The following TMEM163 variants were observed in gnomAD, a reference collection of about 807,000 sequenced individuals.
The protein encoded by TMEM163 is transmembrane protein 163.
TMEM163 carries 17 observed loss-of-function variants against 29.3 expected under a neutral mutation model. The ratio of observed to expected loss-of-function variants is 0.58; its 90% CI spans 0.40 to 0.87. The LOEUF (loss-of-function observed/expected upper bound fraction) is 0.87, where lower values mean the gene tolerates loss of function less well. Among genes scored for constraint, TMEM163 ranks in the 40% least tolerant of loss-of-function variants. The pLI is 0.00. For missense variants in TMEM163, 303 were observed against 381.5 expected (o/e 0.79, Z 1.71); for synonymous variants, 157 against 160.6 (o/e 0.98, Z 0.17).
At chr2:134,718,594 C>G in intron 1 of TMEM163, 140 bp downstream of exon 1, 1 of 539,274 alleles carries the variant, frequency 1.9e-6, no homozygotes, top group Non-Finnish European at 2.5e-6. Context: ...CGGCTAGCGG[C>G]GTTCTCGCCG....
intron 1 of TMEM163, among the ~76,000 whole-genome samples, chr2:134,716,193 G>T (rs971198102): frequency 6.6e-6 from 1 of 152,164 alleles, no homozygotes; most frequent in Non-Finnish European, 1.5e-5. Context: ...AATACTTGTA[G>T]GGAGAAGAAT....
At chr2:134,691,287 G>C (rs1309143789) in intron 2 of TMEM163, among the ~76,000 whole-genome samples, 1 of 152,150 alleles carries the variant, frequency 6.6e-6, no homozygotes, top group Non-Finnish European at 1.5e-5. Flanking sequence ...GTCAGCACCT[G>C]TCATTCCACA....
chr2:134,636,374 G>T (rs1362519466), intron 2 of TMEM163, among the ~76,000 whole-genome samples: 1 of 152,244 alleles, frequency 6.6e-6, no homozygotes, highest in Non-Finnish European at 1.5e-5. Context: ...TTTCTTTAGG[G>T]AAAACGTAAA....
At chr2:134,463,817 C>T (rs74869215) in intron 6 of TMEM163, among the ~76,000 whole-genome samples, 18 of 152,188 alleles carry the variant, frequency 1.2e-4, no homozygotes, top group Non-Finnish European at 2.5e-4. Context: ...TGTAAAACCC[C>T]GCTGATCCGG....
At chr2:134,564,761 T>C (rs1044923235) in intron 2 of TMEM163, among the ~76,000 whole-genome samples, 3 of 152,184 alleles carry the variant, frequency 2.0e-5, no homozygotes, top group African/African-American at 7.2e-5. Context: ...ACTCTACTTA[T>C]TGGTAACCAG....
In TMEM163 at chr2:134,688,541, A is replaced by AAG. The variant is rs201534705; in HGVS notation, c.322+24657_322+24658dup. ...ATCTTCAAAATATTCCTAAACAGGA[A>AAG]AGAGTAATTAGGTAATATATTACTT... On this transcript the variant is annotated intron_variant, in intron 2 of 7. Coordinates refer to ENST00000281924, the MANE Select transcript of TMEM163 (RefSeq NM_030923.5). Among the ~76,000 whole-genome samples the AAG allele has an allele frequency of 8.1e-3, 1,230 of 152,336 alleles. 10 individuals carry two copies. The highest frequency in any genetic ancestry group is 0.028 in the African/African-American group (1,150 of 41,564).
At chr2:134,715,139 C>A (rs1014249182) in intron 1 of TMEM163, among the ~76,000 whole-genome samples, 1 of 152,180 alleles carries the variant, frequency 6.6e-6, no homozygotes, top group Non-Finnish European at 1.5e-5. Flanking sequence ...GAGGTAAAAA[C>A]AAGGTTCCTT....
At chr2:134,619,505 T>C (rs1453767871) in intron 2 of TMEM163, among the ~76,000 whole-genome samples, 1 of 152,162 alleles carries the variant, frequency 6.6e-6, no homozygotes, top group Admixed American at 6.5e-5. Flanking sequence ...AAGAGCCAAA[T>C]GGTCTCATCA....
intron 5 of TMEM163, among the ~76,000 whole-genome samples, chr2:134,481,400 G>A (rs1679176341): frequency 6.6e-6 from 1 of 150,538 alleles, no homozygotes; most frequent in Non-Finnish European, 1.5e-5. Context: ...AGCTTTTCCT[G>A]TGCTATTCTC....
chr2:134,649,111 C>T (rs973907848), intron 2 of TMEM163, among the ~76,000 whole-genome samples: 6 of 151,880 alleles, frequency 4.0e-5, no homozygotes, highest in African/African-American at 1.2e-4. Context: ...TAAGTGTGTG[C>T]GACAAAATAA....
intron 4 of TMEM163, among the ~76,000 whole-genome samples, chr2:134,526,146 A>T (rs1010693945): frequency 6.6e-6 from 1 of 152,230 alleles, no homozygotes; most frequent in Non-Finnish European, 1.5e-5. Context: ...CTCAGCACAC[A>T]GTAGGTCCAA....
intron 2 of TMEM163, among the ~76,000 whole-genome samples, chr2:134,660,981 G>A (rs1683734971): frequency 6.6e-6 from 1 of 152,214 alleles, no homozygotes; most frequent in Non-Finnish European, 1.5e-5. Flanking sequence ...GGGCCTTTAT[G>A]AGGCGTTTCG....
At chr2:134,505,279 A>C (rs1574187056) in intron 4 of TMEM163, among the ~76,000 whole-genome samples, 14 of 120,362 alleles carry the variant, frequency 1.2e-4, no homozygotes, top group East Asian at 4.6e-4. Flanking sequence ...CCTGGACACC[A>C]CTCCAGTTCA....
intron 2 of TMEM163, among the ~76,000 whole-genome samples, chr2:134,627,699 C>G (rs1682883934): frequency 6.6e-6 from 1 of 152,124 alleles, no homozygotes; most frequent in Non-Finnish European, 1.5e-5. Flanking sequence ...ATATAACCCA[C>G]AGTGACTAAA....
intron 6 of TMEM163, among the ~76,000 whole-genome samples, chr2:134,464,892 C>T (rs138933467): frequency 6.6e-6 from 1 of 152,286 alleles, no homozygotes; most frequent in African/African-American, 2.4e-5. Context: ...CAGCTCTGCA[C>T]CCAGCAGGTC....
intron 2 of TMEM163, among the ~76,000 whole-genome samples, chr2:134,699,511 A>T (rs1189297291): frequency 2.0e-5 from 3 of 152,202 alleles, no homozygotes. Flanking sequence ...CTCAAAAAAA[A>T]AAAAAATGTT....
intron 5 of TMEM163, among the ~76,000 whole-genome samples, chr2:134,484,094 T>A (rs1679262560): frequency 6.6e-6 from 1 of 151,972 alleles, no homozygotes; most frequent in South Asian, 2.1e-4. Context: ...GTGAGTGAGA[T>A]CAAGCCACTG....
At chr2:134,483,349 G>A (rs921786562) in intron 5 of TMEM163, among the ~76,000 whole-genome samples, 7 of 151,980 alleles carry the variant, frequency 4.6e-5, no homozygotes, top group South Asian at 2.1e-4. Flanking sequence ...CAAGCCCCTC[G>A]CAACACAGAG....
rs926335991 is a variant in TMEM163, at chr2:134,497,936, G to A, written c.555+4965C>T. On this transcript the variant is annotated intron_variant, in intron 5 of 7. Transcript: ENST00000281924. ...CTGGACATGTTGAGATGGTGCTCAG[G>A]AGCTGAGTCTGAAATCACCTCTGGC... Among the ~76,000 whole-genome samples, 7 of 152,286 alleles carry A rather than the reference G, an allele frequency of 4.6e-5. No homozygotes were observed. In the East Asian group the frequency reaches 1.3e-3, roughly 29 times the overall value.
Sources: allele counts gnomAD v4.1 joint callset (sites outside exome capture counted in the v4.1 genomes callset), GRCh38; gene constraint gnomAD v4.1.1; transcripts MANE v1.5; gene names NCBI Gene and HGNC (gene_info 2026-07-23, HGNC 2026-07-21).